CFTR: variants seen among roughly 807,000 people sequenced by gnomAD.
The protein encoded by CFTR is cystic fibrosis transmembrane conductance regulator.
CFTR carries 181 observed loss-of-function variants against 171.6 expected under a neutral mutation model. That is an observed-to-expected ratio of 1.05 (90% CI 0.93 to 1.19). The LOEUF (loss-of-function observed/expected upper bound fraction) is 1.19, where lower values mean the gene tolerates loss of function less well. CFTR is among the 50% of genes most tolerant of loss of function. CFTR has a pLI of 0.00. For missense variants in CFTR, 1,968 were observed against 1,734.7 expected, an observed-to-expected ratio of 1.13 and a Z score of -2.39; for synonymous variants, 583 against 608.0, an observed-to-expected ratio of 0.96 and a Z score of 0.60.
chr7:117,643,847 A>C lies in CFTR; in HGVS notation c.3873+1254A>C, dbSNP rs1792956371. ...GGTTTTTATTGTTCTTGTTCACACA[A>C]ATCTGCCCATTAGAATAAGCCAAGC... On this transcript the variant is annotated intron_variant, in intron 23 of 26. Coordinates refer to ENST00000003084, the MANE Select transcript of CFTR (RefSeq NM_000492.4). 1.3e-5 allele frequency among the ~76,000 whole-genome samples: 2 copies of C among 152,154 alleles called. 1 individual carries two copies. The highest frequency in any genetic ancestry group is 4.1e-4 in the South Asian group (2 of 4,824).
intron 16 of CFTR, 124 bp from the exon 17 acceptor site, chr7:117,603,408 G>A (rs919030891): frequency 3.1e-6 from 3 of 969,676 alleles, no homozygotes; most frequent in Non-Finnish European, 4.8e-6. Flanking sequence ...GAGGTTAAGG[G>A]TGCATGCTCT....
Position 117,531,057 on chromosome 7 carries a change from C to T in CFTR, c.432C>T (p.Gly144=), listed in dbSNP as rs1431645851. The T allele has an allele frequency of 1.2e-6, 2 of 1,613,650 alleles. No homozygotes were observed. Among genetic ancestry groups the T allele is most frequent in the South Asian group, 2.2e-5 (2 of 91,042 alleles). ...TGCTCCTACACCCAGCCATTTTTGGCCTTCATCACATTGGAATGCAGATGA... is the reference window on the plus strand; with the variant it reads ...TGCTCCTACACCCAGCCATTTTTGGTCTTCATCACATTGGAATGCAGATGA... ...RTLLLHPAIF[G]LHHIGMQMRI... The change falls in exon 4 of 27, where the codon GGC becomes GGT. Residue 144 remains glycine, a synonymous_variant. Transcript: ENST00000003084.
chr7:117,491,534 G>A (rs929047432), intron 1 of CFTR, among the ~76,000 whole-genome samples: 3 of 152,024 alleles, frequency 2.0e-5, no homozygotes, highest in Admixed American at 2.0e-4. Context: ...CCATGAGGAA[G>A]AGTCTATTCC....
At chr7:117,597,174 T>C (rs1260316812) in intron 15 of CFTR, among the ~76,000 whole-genome samples, 1 of 152,214 alleles carries the variant, frequency 6.6e-6, no homozygotes, top group Non-Finnish European at 1.5e-5. Context: ...ATTGCGTTTA[T>C]GAGCTGTGAC....
intron 1 of CFTR, among the ~76,000 whole-genome samples, chr7:117,489,030 C>T (rs541251723): frequency 1.1e-4 from 17 of 151,810 alleles, no homozygotes; most frequent in Admixed American, 3.9e-4. Flanking sequence ...CTTGAAATTT[C>T]TTGGGATAAA....
chr7:117,603,430 A>T, intron 16 of CFTR, 102 bp from the exon 17 acceptor site: 1 of 1,341,828 alleles, frequency 7.5e-7, no homozygotes, highest in Non-Finnish European at 1.1e-6. Flanking sequence ...CTAATGCAAA[A>T]TATTGTATTT....
rs397508363 is a variant in CFTR, at chr7:117,592,464, G to C, written c.2297G>C (p.Arg766Thr). The C allele has an allele frequency of 1.9e-6, 3 of 1,583,968 alleles. No homozygotes were observed. Among genetic ancestry groups the C allele is most frequent in the Admixed American group, 1.8e-5 (1 of 55,856 alleles). ...GGCCCCACGCTTCAGGCACGAAGGA[G>C]GCAGTCTGTCCTGAACCTGATGACA... is the stretch of plus-strand genomic sequence containing the variant. ...STGPTLQARR[R>T]QSVLNLMTHS... Residue 766 changes from arginine (R) to threonine (T), a missense_variant, in exon 14 of 27, where the codon AGG (arginine) becomes ACG (threonine). Physicochemically the swap from Arg to Thr is moderately conservative, Grantham distance 71 (BLOSUM62 -1). Coordinates refer to ENST00000003084, the MANE Select transcript of CFTR (RefSeq NM_000492.4).
intron 24 of CFTR, among the ~76,000 whole-genome samples, chr7:117,655,536 C>T (rs752826253): frequency 2.6e-5 from 4 of 152,260 alleles, no homozygotes; most frequent in Non-Finnish European, 5.9e-5. Context: ...CTCTATAGCT[C>T]TCCTCCTCTC....
chr7:117,549,953 A>T (rs1225124136), intron 10 of CFTR, among the ~76,000 whole-genome samples: 1 of 152,220 alleles, frequency 6.6e-6, no homozygotes, highest in Non-Finnish European at 1.5e-5. Flanking sequence ...GCAATTATTT[A>T]TCAATATCTA....
At chr7:117,590,293 CT>C in intron 12 of CFTR, 59 bp from the exon 13 acceptor site, 1 of 1,576,028 alleles carries the variant, frequency 6.3e-7, no homozygotes, top group Non-Finnish European at 8.7e-7. Flanking sequence ...GGCAAATCAT[CT>C]ACACTAGATG....
At chr7:117,583,389 G>A (rs927202290) in intron 11 of CFTR, among the ~76,000 whole-genome samples, 10 of 151,206 alleles carry the variant, frequency 6.6e-5, no homozygotes, top group African/African-American at 2.2e-4. Flanking sequence ...CAGCCTCATT[G>A]GTTAGCTCCC....
Position 117,558,220 on chromosome 7 carries a change from A to G in CFTR, c.1393-1244A>G, listed in dbSNP as rs2115933399. On this transcript the variant is annotated intron_variant, in intron 10 of 26. Transcript: ENST00000003084. ...ATATGTGTGTATTATGGTTTTTAAA[A>G]AAGTCTATATTTGTTTTCCAGTGGC... Among the ~76,000 whole-genome samples the G allele has an allele frequency of 2.0e-5, 3 of 152,218 alleles. No individual in the cohort carries two copies. In the South Asian group the frequency reaches 6.2e-4, roughly 32 times the overall value.
intron 6 of CFTR, among the ~76,000 whole-genome samples, chr7:117,535,626 C>T (rs535013224): frequency 6.6e-6 from 1 of 151,288 alleles, no homozygotes; most frequent in South Asian, 2.1e-4. Flanking sequence ...CTTCTGCCTC[C>T]CAGGCTCAAG....
intron 24 of CFTR, among the ~76,000 whole-genome samples, chr7:117,657,524 G>C (rs1793201818): frequency 6.6e-6 from 1 of 152,152 alleles, no homozygotes; most frequent in South Asian, 2.1e-4. Flanking sequence ...AAGGCATTTG[G>C]GTTTCAAAGT....
At chr7:117,542,943 A>G (rs1799082044) in intron 9 of CFTR, among the ~76,000 whole-genome samples, 2 of 152,228 alleles carry the variant, frequency 1.3e-5, no homozygotes, top group South Asian at 4.1e-4. Flanking sequence ...ATACCAGCCA[A>G]TAAAAGGATG....
intron 3 of CFTR, among the ~76,000 whole-genome samples, chr7:117,524,293 T>C (rs1798735946): frequency 6.6e-6 from 1 of 151,792 alleles, no homozygotes; most frequent in African/African-American, 2.4e-5. Flanking sequence ...TGCTTCATGA[T>C]CACATGTGAT....
At chr7:117,610,242 G>T (rs1215802337) in intron 18 of CFTR, among the ~76,000 whole-genome samples, 12 of 112,390 alleles carry the variant, frequency 1.1e-4, no homozygotes, top group African/African-American at 3.7e-4. Context: ...GTTGTGGGGT[G>T]GGGGGAGGGG....
intron 11 of CFTR, among the ~76,000 whole-genome samples, chr7:117,562,306 G>A (rs1791517605): frequency 1.3e-5 from 2 of 152,132 alleles, no homozygotes; most frequent in African/African-American, 4.8e-5. Context: ...GGAGGTTGGT[G>A]TAATTAAGGA....
At chr7:117,572,634 C>T (rs547468599) in intron 11 of CFTR, among the ~76,000 whole-genome samples, 218 of 152,208 alleles carry the variant, frequency 1.4e-3, no homozygotes, top group African/African-American at 5.0e-3. Context: ...CGTTCTCTCA[C>T]ACACTCTACT....
Sources: gnomAD v4.1 joint callset for allele counts (sites outside exome capture counted in the v4.1 genomes callset) on GRCh38, gnomAD v4.1.1 for gene constraint, MANE v1.5 for transcripts, NCBI Gene and HGNC (gene_info 2026-07-23, HGNC 2026-07-21) for gene names.